TOX: variants seen among roughly 807,000 people sequenced by gnomAD.
TOX encodes the protein thymocyte selection-associated high mobility group box protein TOX.
A neutral mutation model predicts 53.7 loss-of-function variants in TOX; 11 were observed. That is an observed-to-expected ratio of 0.20 (90% CI 0.13 to 0.34). The LOEUF (loss-of-function observed/expected upper bound fraction) is 0.34, where lower values mean the gene tolerates loss of function less well. TOX is among the 10% of genes least tolerant of loss of function. TOX has a pLI of 1.00. For synonymous variants in TOX, 225 were observed against 245.3 expected, an observed-to-expected ratio of 0.92 and a Z score of 0.77; for missense variants, 570 against 664.6, an observed-to-expected ratio of 0.86 and a Z score of 1.56.
chr8:59,035,790 G>T lies in TOX; in HGVS notation c.103-75782C>A, dbSNP rs527633155. Among the ~76,000 whole-genome samples, 21 of 152,362 alleles carry T rather than the reference G, an allele frequency of 1.4e-4. 1 individual carries two copies. Among genetic ancestry groups the T allele is most frequent in the South Asian group, 1.0e-3 (5 of 4,830 alleles). On this transcript the variant is annotated intron_variant, in intron 1 of 8. Coordinates refer to ENST00000361421, the MANE Select transcript of TOX (RefSeq NM_014729.3). ...AAATAATCATAATAACAATAATGAT[G>T]ATGAAACAATGATGGTGCAAAGAAG...
At chr8:59,045,513 T>G (rs1803665988) in intron 1 of TOX, among the ~76,000 whole-genome samples, 1 of 152,224 alleles carries the variant, frequency 6.6e-6, no homozygotes, top group Admixed American at 6.5e-5. Context: ...TTCCCGTGGT[T>G]GTTATTTGAA....
Position 59,002,585 on chromosome 8 carries a change from C to T in TOX, c.103-42577G>A, listed in dbSNP as rs185487711. 6.1e-3 allele frequency among the ~76,000 whole-genome samples: 886 copies of T among 146,186 alleles called. 10 individuals are homozygous for T. Among genetic ancestry groups the T allele is most frequent in the African/African-American group, 0.021 (835 of 40,602 alleles). On this transcript the variant is annotated intron_variant, in intron 1 of 8. Transcript: ENST00000361421. The stretch of plus-strand genomic sequence containing the variant: ...CAGCCTGGGCAACACAGCAAGACTC[C>T]GTCTCAAAACAACAACAACAACAAA...
At chr8:59,064,181 C>T (rs1046547898) in intron 1 of TOX, among the ~76,000 whole-genome samples, 1 of 152,098 alleles carries the variant, frequency 6.6e-6, no homozygotes, top group African/African-American at 2.4e-5. Context: ...AATGTTTCCT[C>T]TATTACAAGG....
intron 3 of TOX, among the ~76,000 whole-genome samples, chr8:58,899,413 T>A (rs2129172643): frequency 6.6e-6 from 1 of 152,304 alleles, no homozygotes; most frequent in Admixed American, 6.5e-5. Flanking sequence ...GATAAGTGCT[T>A]TGAGACTTGC....
At chr8:58,921,014 A>G (rs1166170158) in intron 3 of TOX, among the ~76,000 whole-genome samples, 2 of 152,186 alleles carry the variant, frequency 1.3e-5, no homozygotes, top group Non-Finnish European at 1.5e-5. Context: ...GATTGATCAC[A>G]TTAAGTGTCC....
chr8:58,834,233 T>G (rs1358580662), intron 5 of TOX, among the ~76,000 whole-genome samples: 1 of 152,236 alleles, frequency 6.6e-6, no homozygotes, highest in African/African-American at 2.4e-5. Flanking sequence ...TGTGTTTATA[T>G]TTGTAGCTGT....
At chr8:58,863,474 G>A (rs544219709) in intron 3 of TOX, among the ~76,000 whole-genome samples, 9 of 152,132 alleles carry the variant, frequency 5.9e-5, no homozygotes, top group East Asian at 1.9e-4. Context: ...TGGTACTCAC[G>A]AGGGACCCAA....
At chr8:59,051,745 C>T (rs1377969264) in intron 1 of TOX, among the ~76,000 whole-genome samples, 2 of 152,116 alleles carry the variant, frequency 1.3e-5, no homozygotes, top group African/African-American at 4.8e-5. Context: ...TGGATGGGGA[C>T]TGAGTGTTTA....
intron 1 of TOX, among the ~76,000 whole-genome samples, chr8:58,981,117 T>C (rs905907929): frequency 1.3e-5 from 2 of 152,234 alleles, no homozygotes; most frequent in Non-Finnish European, 1.5e-5. Context: ...TTCGACTTCC[T>C]GTAGGCACTG....
intron 1 of TOX, among the ~76,000 whole-genome samples, chr8:58,965,005 C>T (rs561402427): frequency 2.1e-4 from 32 of 152,120 alleles, no homozygotes; most frequent in Admixed American, 8.5e-4. Flanking sequence ...GCAATAAAAT[C>T]GTATTTATTA....
chr8:58,941,291 G>A (rs1008595482), intron 2 of TOX, among the ~76,000 whole-genome samples: 2 of 152,124 alleles, frequency 1.3e-5, no homozygotes, highest in African/African-American at 4.8e-5. Context: ...TCATATTAAA[G>A]CACTGTACCA....
rs115558395 is a variant in TOX, at chr8:58,959,847, G to A, written c.168+96C>T. The stretch of plus-strand genomic sequence containing the variant: ...TTATAAATTATGATTATTCCTGATT[G>A]CGGCAGTTACTGATAGTGCTACTCA... On this transcript the variant is annotated intron_variant, in intron 2 of 8. Coordinates refer to ENST00000361421, the MANE Select transcript of TOX (RefSeq NM_014729.3). The A allele has an allele frequency of 5.2e-3, 6,306 of 1,224,130 alleles. 262 individuals carry two copies. The African/African-American group carries it at 0.084, about 16-fold the overall frequency. 75.8% of individuals were successfully genotyped at this position (1,224,130 alleles called of 1,614,324 possible). A position where few individuals can be genotyped will look rare whatever the true frequency, so the allele number is the denominator to read the frequency against.
chr8:58,868,341 C>A (rs911403758), intron 3 of TOX, among the ~76,000 whole-genome samples: 25 of 152,128 alleles, frequency 1.6e-4, no homozygotes, highest in Non-Finnish European at 2.1e-4. Flanking sequence ...GTTGTAAATT[C>A]TTTTGCTAGT....
At chr8:58,964,455 G>A (rs1442373404) in intron 1 of TOX, among the ~76,000 whole-genome samples, 2 of 152,176 alleles carry the variant, frequency 1.3e-5, no homozygotes, top group South Asian at 4.2e-4. Context: ...TCACTGCACT[G>A]TCACAGCTCC....
intron 3 of TOX, among the ~76,000 whole-genome samples, chr8:58,877,858 TAAA>T (rs76496222): frequency 0.14 from 20,194 of 147,680 alleles, 1,637 homozygotes; most frequent in East Asian, 0.37. Flanking sequence ...GCCTACATAT[TAAA>T]AAAAAAAAAA....
chr8:58,873,998 A>G (rs901015324), intron 3 of TOX, among the ~76,000 whole-genome samples: 3 of 56,652 alleles, frequency 5.3e-5, no homozygotes, highest in African/African-American at 5.2e-4. Flanking sequence ...GGAAACCATG[A>G]TAGATGAGGG....
intron 3 of TOX, among the ~76,000 whole-genome samples, chr8:58,921,708 A>G (rs558156974): frequency 6.6e-6 from 1 of 152,354 alleles, no homozygotes; most frequent in South Asian, 2.1e-4. Context: ...CTATTTGCCA[A>G]TCAACCAGAT....
intron 1 of TOX, among the ~76,000 whole-genome samples, chr8:59,106,147 A>T (rs1454010540): frequency 6.6e-6 from 1 of 152,188 alleles, no homozygotes; most frequent in African/African-American, 2.4e-5. Context: ...AAATTCAGAA[A>T]CAACTGTATG....
intron 1 of TOX, among the ~76,000 whole-genome samples, chr8:59,113,042 G>A (rs1252820085): frequency 6.6e-6 from 1 of 152,160 alleles, no homozygotes; most frequent in African/African-American, 2.4e-5. Flanking sequence ...ATCTAAATTT[G>A]ATTAATTGAT....
Sources: allele counts gnomAD v4.1 joint callset (sites outside exome capture counted in the v4.1 genomes callset), GRCh38; gene constraint gnomAD v4.1.1; transcripts MANE v1.5; gene names NCBI Gene and HGNC (gene_info 2026-07-23, HGNC 2026-07-21).